SPAST: variants seen among roughly 807,000 people sequenced by gnomAD.
SPAST encodes the protein spastic paraplegia 4 (autosomal dominant; spastin).
A neutral mutation model predicts 76.6 loss-of-function variants in SPAST; 30 were observed. The observed-to-expected ratio is 0.39, with a 90% CI of 0.29 to 0.53. The LOEUF (loss-of-function observed/expected upper bound fraction) is 0.53, where lower values mean the gene tolerates loss of function less well. SPAST is among the 20% of genes least tolerant of loss of function. The probability of loss-of-function intolerance (pLI) is 0.68; values close to 1 mark genes in which losing one functional copy is unlikely to be tolerated. For missense variants in SPAST, 717 were observed against 770.5 expected, an observed-to-expected ratio of 0.93 and a Z score of 0.82; for synonymous variants, 305 against 281.0, an observed-to-expected ratio of 1.09 and a Z score of -0.86.
chr2:32,066,972 C>CAA (rs60829143), intron 1 of SPAST, among the ~76,000 whole-genome samples: 1,114 of 76,036 alleles, frequency 0.015, 36 homozygotes, highest in African/African-American at 0.032. Context: ...AAAACTGTCT[C>CAA]AAAAAAAAAA....
chr2:32,108,758 CT>C (rs71407413), intron 4 of SPAST, among the ~76,000 whole-genome samples: 163 of 73,884 alleles, frequency 2.2e-3, no homozygotes, highest in Middle Eastern at 0.016. Context: ...GCTGGTATAG[CT>C]TTTTTTTTTT....
chr2:32,105,215 CTGA>C (rs1208718058), intron 4 of SPAST, among the ~76,000 whole-genome samples: 1 of 152,168 alleles, frequency 6.6e-6, no homozygotes, highest in African/African-American at 2.4e-5. Context: ...TCTTCAATCA[CTGA>C]TACCCTTTCT....
chr2:32,081,470 C>G (rs1249405752), intron 1 of SPAST, among the ~76,000 whole-genome samples: 1 of 152,086 alleles, frequency 6.6e-6, no homozygotes, highest in African/African-American at 2.4e-5. Context: ...TGGGCATGCT[C>G]TGAAATTCAT....
At chr2:32,091,765 C>T (rs943525951) in intron 3 of SPAST, among the ~76,000 whole-genome samples, 18 of 151,592 alleles carry the variant, frequency 1.2e-4, no homozygotes, top group Admixed American at 7.2e-4. Flanking sequence ...ACCCAGGAGG[C>T]GGAGCTTGCA....
rs1348747503 is a variant in SPAST, at chr2:32,079,323, C to T, written c.416-8169C>T. ...TTGAGCCCGGGAGTTCAAGACCAGC[C>T]TGGGCAATATAGTGAGAGACCCTGT... On this transcript the variant is annotated intron_variant, in intron 1 of 16. Coordinates refer to ENST00000315285, the MANE Select transcript of SPAST (RefSeq NM_014946.4). Among the ~76,000 whole-genome samples, 4 of 151,774 alleles carry T rather than the reference C, an allele frequency of 2.6e-5. No homozygotes were observed. The South Asian group carries it at 6.2e-4, about 24-fold the overall frequency.
chr2:32,082,140 C>G (rs138125038), intron 1 of SPAST, among the ~76,000 whole-genome samples: 66 of 149,842 alleles, frequency 4.4e-4, no homozygotes, highest in Non-Finnish European at 8.3e-4. Flanking sequence ...GTACAGGCAC[C>G]CACCCCCACG....
At chr2:32,113,859 G>A (rs536779833) in intron 4 of SPAST, among the ~76,000 whole-genome samples, 10 of 152,022 alleles carry the variant, frequency 6.6e-5, no homozygotes, top group Admixed American at 6.5e-4. Flanking sequence ...GAGCCATCGC[G>A]CCCGGCGCTT....
intron 7 of SPAST, among the ~76,000 whole-genome samples, chr2:32,118,876 T>G (rs1376438663): frequency 1.3e-5 from 2 of 152,184 alleles, no homozygotes; most frequent in Non-Finnish European, 2.9e-5. Context: ...CATTCAGCTT[T>G]TGCTTTACCC....
intron 7 of SPAST, among the ~76,000 whole-genome samples, chr2:32,124,257 G>A (rs930653566): frequency 6.6e-6 from 1 of 152,118 alleles, no homozygotes; most frequent in Non-Finnish European, 1.5e-5. Context: ...ATGACAACAA[G>A]CATATGAATA....
chr2:32,145,597 A>G (rs1679859720), intron 15 of SPAST, among the ~76,000 whole-genome samples: 1 of 152,200 alleles, frequency 6.6e-6, no homozygotes, highest in Non-Finnish European at 1.5e-5. Context: ...TTCTGACATC[A>G]TTTGAAATTA....
At chr2:32,112,604 C>T (rs111462037) in intron 4 of SPAST, among the ~76,000 whole-genome samples, 15,001 of 151,920 alleles carry the variant, frequency 0.099, 801 homozygotes, top group Middle Eastern at 0.2. Flanking sequence ...CCTTGGCCTC[C>T]GAAAGTTCTG....
At chr2:32,064,346 C>A in intron 1 of SPAST, 100 bp downstream of exon 1, 2 of 1,127,758 alleles carry the variant, frequency 1.8e-6, no homozygotes, top group South Asian at 2.8e-5. Context: ...CGGGAGGGGA[C>A]GGTGCACCCC....
At position 32,071,252 on chromosome 2, in the gene SPAST, C is replaced by T. The variant is rs201602478; in HGVS notation, c.415+7006C>T. 4.6e-5 allele frequency among the ~76,000 whole-genome samples: 7 copies of T among 152,252 alleles called. No individual in the cohort carries two copies. In the East Asian group the frequency reaches 1.2e-3, roughly 25 times the overall value. On this transcript the variant is annotated intron_variant, in intron 1 of 16. Coordinates refer to ENST00000315285, the MANE Select transcript of SPAST (RefSeq NM_014946.4). The stretch of plus-strand genomic sequence containing the variant: ...GTTATATGAATGAGAGATCAAGTTT[C>T]TCAGGATATTCTAGGGCTAAAGGAT...
chr2:32,130,766 C>A (rs1366052766), intron 9 of SPAST, among the ~76,000 whole-genome samples: 1 of 151,482 alleles, frequency 6.6e-6, no homozygotes, highest in African/African-American at 2.4e-5. Flanking sequence ...GAGGTGATCA[C>A]CACATGATAT....
chr2:32,085,146 A>T (rs1481044923), intron 1 of SPAST, among the ~76,000 whole-genome samples: 1 of 151,302 alleles, frequency 6.6e-6, no homozygotes, highest in African/African-American at 2.4e-5. Context: ...GAAGGTGAGC[A>T]TCCAAATAAT....
intron 6 of SPAST, 59 bp from the exon 7 acceptor site, chr2:32,116,060 A>G (rs1335296526): frequency 2.4e-6 from 3 of 1,257,450 alleles, no homozygotes; most frequent in African/African-American, 1.5e-5. Flanking sequence ...CTTAGGCTTC[A>G]TCTTGTAATA....
intron 8 of SPAST, 38 bp downstream of exon 8, chr2:32,127,060 T>A: frequency 7.4e-7 from 1 of 1,359,502 alleles, no homozygotes; most frequent in Non-Finnish European, 1.1e-6. Context: ...TCTGTTGAGA[T>A]ATTTGGGATA....
intron 4 of SPAST, among the ~76,000 whole-genome samples, chr2:32,107,748 T>A (rs1014380968): frequency 6.6e-6 from 1 of 152,144 alleles, no homozygotes; most frequent in Non-Finnish European, 1.5e-5. Context: ...CCATAATCTT[T>A]TCTTTTCTGT....
intron 4 of SPAST, among the ~76,000 whole-genome samples, chr2:32,112,493 G>A (rs973497866): frequency 4.0e-5 from 6 of 151,470 alleles, no homozygotes; most frequent in Admixed American, 2.0e-4. Context: ...GATTACAGGC[G>A]CACGCCACCA....
Sources: gnomAD v4.1 joint callset for allele counts (sites outside exome capture counted in the v4.1 genomes callset) on GRCh38, gnomAD v4.1.1 for gene constraint, MANE v1.5 for transcripts, NCBI Gene and HGNC (gene_info 2026-07-23, HGNC 2026-07-21) for gene names.